The following SLC39A11 variants were observed in gnomAD, a reference collection of about 807,000 sequenced individuals.
SLC39A11 encodes zinc transporter ZIP11.
A neutral mutation model predicts 36.1 loss-of-function variants in SLC39A11; 33 were observed. The ratio of observed to expected loss-of-function variants is 0.91; its 90% CI spans 0.69 to 1.22. The LOEUF (loss-of-function observed/expected upper bound fraction) is 1.22, where lower values mean the gene tolerates loss of function less well. Ranked by LOEUF, SLC39A11 falls within the 50% of genes most tolerant of loss-of-function variation. SLC39A11 has a pLI of 0.00. For missense variants in SLC39A11, 432 were observed against 430.3 expected, an observed-to-expected ratio of 1.00 and a Z score of -0.03; for synonymous variants, 166 against 170.3, an observed-to-expected ratio of 0.97 and a Z score of 0.20.
intron 6 of SLC39A11, among the ~76,000 whole-genome samples, chr17:72,772,424 T>C (rs1335698938): frequency 6.6e-6 from 1 of 152,166 alleles, no homozygotes; most frequent in Non-Finnish European, 1.5e-5. Flanking sequence ...ACTAAACTAC[T>C]GGGGGTTGGG....
intron 7 of SLC39A11, among the ~76,000 whole-genome samples, chr17:72,700,669 C>G (rs566539857): frequency 4.7e-4 from 72 of 152,298 alleles, no homozygotes; most frequent in South Asian, 1.0e-3. Context: ...TAAAGACATA[C>G]CCAAGACTGG....
At chr17:72,829,080 G>A (rs1441730384) in intron 6 of SLC39A11, among the ~76,000 whole-genome samples, 7 of 152,158 alleles carry the variant, frequency 4.6e-5, no homozygotes, top group East Asian at 1.9e-4. Flanking sequence ...AGCCAGGTGC[G>A]GCGGCTCACA....
At chr17:72,717,885 C>T (rs73349489) in intron 7 of SLC39A11, among the ~76,000 whole-genome samples, 93 of 152,250 alleles carry the variant, frequency 6.1e-4, no homozygotes, top group African/African-American at 2.1e-3. Flanking sequence ...GAGTCATGAC[C>T]GCAAGGCCAC....
intron 6 of SLC39A11, among the ~76,000 whole-genome samples, chr17:72,748,773 A>G (rs1296969746): frequency 6.6e-6 from 1 of 152,200 alleles, no homozygotes; most frequent in East Asian, 1.9e-4. Flanking sequence ...GAAGATTCCG[A>G]GCTGTTCCAA....
At chr17:73,038,934 C>T (rs534942746) in intron 3 of SLC39A11, among the ~76,000 whole-genome samples, 1 of 152,214 alleles carries the variant, frequency 6.6e-6, no homozygotes, top group African/African-American at 2.4e-5. Flanking sequence ...TCTGTGACAA[C>T]ACCAAAACGC....
rs149933787 is a variant in SLC39A11 at position 72,904,114 on chromosome 17, A to C, written c.430+43638T>G. 3.9e-5 allele frequency among the ~76,000 whole-genome samples: 6 copies of C among 152,336 alleles called. No homozygotes were observed. The East Asian group carries it at 1.2e-3, about 29-fold the overall frequency. On this transcript the variant is annotated intron_variant, in intron 5 of 9. Transcript: ENST00000255559. ...GGAGGGCAGATGACACAGAAACTGC[A>C]GTGACAGAGGACACTCCCTCAAAAG...
rs762745651 is a variant in SLC39A11, at chr17:72,866,599, C to T, written c.431-16795G>A. ...CACACACAATCACATCATACTGAAA[C>T]TGAAAACCACTAAAGACAAATGAAA... On this transcript the variant is annotated intron_variant, in intron 5 of 9. Coordinates refer to ENST00000255559, the MANE Select transcript of SLC39A11 (RefSeq NM_139177.4). 7.2e-5 allele frequency among the ~76,000 whole-genome samples: 11 copies of T among 151,790 alleles called. No individual in the cohort carries two copies. In the East Asian group the frequency reaches 1.4e-3, roughly 19 times the overall value.
At chr17:72,999,934 G>A (rs186847671) in intron 4 of SLC39A11, among the ~76,000 whole-genome samples, 43 of 152,028 alleles carry the variant, frequency 2.8e-4, no homozygotes, top group African/African-American at 8.4e-4. Context: ...AGAGATGGGG[G>A]TTTCGCCATG....
intron 6 of SLC39A11, among the ~76,000 whole-genome samples, chr17:72,767,115 C>T (rs544042060): frequency 6.6e-6 from 1 of 152,348 alleles, no homozygotes; most frequent in East Asian, 1.9e-4. Flanking sequence ...GGCCAGAAGC[C>T]CCTCTCAGGT....
At chr17:72,789,075 G>A (rs986028023) in intron 6 of SLC39A11, among the ~76,000 whole-genome samples, 4 of 148,628 alleles carry the variant, frequency 2.7e-5, no homozygotes, top group South Asian at 4.2e-4. Context: ...TCATTCCATC[G>A]CCAGATTGGA....
At chr17:73,061,945 C>T (rs2059852395) in intron 3 of SLC39A11, among the ~76,000 whole-genome samples, 1 of 151,944 alleles carries the variant, frequency 6.6e-6, no homozygotes, top group Non-Finnish European at 1.5e-5. Flanking sequence ...GCAGTGACCT[C>T]GTGTGATCAC....
At chr17:72,775,676 A>G (rs1027726595) in intron 6 of SLC39A11, among the ~76,000 whole-genome samples, 8 of 152,176 alleles carry the variant, frequency 5.3e-5, no homozygotes, top group Non-Finnish European at 7.3e-5. Context: ...TCAAGCTTCA[A>G]GACACAAGAA....
chr17:72,739,838 G>A (rs932335943), intron 6 of SLC39A11, among the ~76,000 whole-genome samples: 2 of 151,968 alleles, frequency 1.3e-5, no homozygotes, highest in African/African-American at 2.4e-5. Context: ...GATTAGGGGC[G>A]CCAATCCCTT....
At chr17:72,888,809 A>C (rs2081570793) in intron 5 of SLC39A11, among the ~76,000 whole-genome samples, 1 of 151,834 alleles carries the variant, frequency 6.6e-6, no homozygotes, top group Admixed American at 6.6e-5. Flanking sequence ...GGCTGAGGAG[A>C]GAGGATTGCT....
At chr17:72,720,490 A>G (rs1028487011) in intron 7 of SLC39A11, among the ~76,000 whole-genome samples, 9 of 139,064 alleles carry the variant, frequency 6.5e-5, no homozygotes, top group African/African-American at 2.2e-4. Flanking sequence ...AGTGGAAGCT[A>G]CTTCTGAGAC....
chr17:72,751,025 T>C (rs1214703964), intron 6 of SLC39A11, among the ~76,000 whole-genome samples: 2 of 152,132 alleles, frequency 1.3e-5, no homozygotes, highest in Non-Finnish European at 2.9e-5. Context: ...GGCGGGAGGA[T>C]CACCTGAGGT....
chr17:72,710,842 G>A (rs942643473), intron 7 of SLC39A11, among the ~76,000 whole-genome samples: 3 of 152,176 alleles, frequency 2.0e-5, no homozygotes, highest in African/African-American at 7.2e-5. Flanking sequence ...AGATGTTGCT[G>A]TCTTTATTTT....
chr17:73,005,976 A>G (rs2090156229), intron 4 of SLC39A11, among the ~76,000 whole-genome samples: 1 of 151,992 alleles, frequency 6.6e-6, no homozygotes, highest in Non-Finnish European at 1.5e-5. Flanking sequence ...ATAAAATAAT[A>G]ATAATAAATA....
At position 72,870,381 on chromosome 17, in the gene SLC39A11, C is replaced by T. The variant is rs562880254; in HGVS notation, c.431-20577G>A. ...TTCCTCTCCAGACTGTGTTTATCCA[C>T]CTGCAAGGGTCTCATGATAACTTCC... On this transcript the variant is annotated intron_variant, in intron 5 of 9. Transcript: ENST00000255559. Among the ~76,000 whole-genome samples the T allele has an allele frequency of 2.6e-5, 4 of 152,316 alleles. No homozygotes were observed. The South Asian group carries it at 8.3e-4, about 32-fold the overall frequency.
Sources: allele counts gnomAD v4.1 joint callset (sites outside exome capture counted in the v4.1 genomes callset), GRCh38; gene constraint gnomAD v4.1.1; transcripts MANE v1.5; gene names NCBI Gene and HGNC (gene_info 2026-07-23, HGNC 2026-07-21).